CEP70: variants seen among roughly 807,000 people sequenced by gnomAD.
The protein encoded by CEP70 is centrosomal protein of 70 kDa.
In CEP70, 70 loss-of-function variants were observed where a neutral mutation model predicts 90.9. That is an observed-to-expected ratio of 0.77 (90% CI 0.64 to 0.94). The LOEUF is 0.94. CEP70 is among the 40% of genes least tolerant of loss of function. The pLI is 0.00. For missense variants in CEP70, 648 were observed against 669.0 expected, an observed-to-expected ratio of 0.97 and a Z score of 0.35; for synonymous variants, 220 against 228.3, an observed-to-expected ratio of 0.96 and a Z score of 0.33.
chr3:138,563,047 G>A lies in CEP70; in HGVS notation c.465+7271C>T, dbSNP rs556038811. On this transcript the variant is annotated intron_variant, in intron 6 of 17. Transcript: ENST00000264982. ...TGGAAAGCAAAAAAAAAAAGCAGGGGTTGCAATCCTAGTCTCTGATAAAAC... is the reference window on the plus strand; with the variant it reads ...TGGAAAGCAAAAAAAAAAAGCAGGGATTGCAATCCTAGTCTCTGATAAAAC... Among the ~76,000 whole-genome samples the A allele has an allele frequency of 3.4e-4, 52 of 152,150 alleles. No homozygotes were observed. In the South Asian group the frequency reaches 6.9e-3, roughly 20 times the overall value.
rs1256930326 is a variant in CEP70 at position 138,537,146 on chromosome 3, T to C, written c.635+32A>G. 2.8e-6 allele frequency: 4 copies of C among 1,429,842 alleles called. 1 individual carries two copies. Among genetic ancestry groups the C allele is most frequent in the Non-Finnish European group, 2.8e-6 (3 of 1,078,866 alleles). 88.6% of individuals were successfully genotyped at this position (1,429,842 alleles called of 1,614,324 possible). On this transcript the variant is annotated intron_variant, in intron 7 of 17. Coordinates refer to ENST00000264982, the MANE Select transcript of CEP70 (RefSeq NM_024491.4). ...AAACAAACAAACACAACAATGAATC[T>C]AGCTACATATCAATTTATGTAGCAA...
In CEP70 at chr3:138,548,388, C is replaced by T. The variant is rs148794178; in HGVS notation, c.466-11041G>A. On this transcript the variant is annotated intron_variant, in intron 6 of 17. Coordinates refer to ENST00000264982, the MANE Select transcript of CEP70 (RefSeq NM_024491.4). Reference sequence around the variant, plus strand: ...CTAAGATCATGGTATGTGCACAGCACCTTCCTCCAAAGAGGATTTTGATTT... The same window carrying T: ...CTAAGATCATGGTATGTGCACAGCATCTTCCTCCAAAGAGGATTTTGATTT... 5.6e-3 allele frequency among the ~76,000 whole-genome samples: 858 copies of T among 152,274 alleles called. 6 individuals are homozygous for T. Among genetic ancestry groups the T allele is most frequent in the African/African-American group, 0.02 (826 of 41,544 alleles).
chr3:138,505,202 CTATT>C (rs2034867553), intron 13 of CEP70, 89 bp downstream of exon 13: 1 of 1,008,566 alleles, frequency 9.9e-7, no homozygotes, highest in South Asian at 2.7e-5. Context: ...AAATTAAACC[CTATT>C]TAATTTTTAG....
chr3:138,505,205 T>C (rs2034867885), intron 13 of CEP70, 90 bp downstream of exon 13: 1 of 1,064,470 alleles, frequency 9.4e-7, no homozygotes, highest in East Asian at 2.7e-5. Flanking sequence ...TTAAACCCTA[T>C]TTAATTTTTA....
rs927769548 is a variant in CEP70 at position 138,525,495 on chromosome 3, G to A, written c.939C>T (p.Asn313=). 2.5e-5 allele frequency: 35 copies of A among 1,384,458 alleles called. No homozygotes were observed. The highest frequency in any genetic ancestry group is 1.0e-4 in the African/African-American group (7 of 67,344). The allele number at this position is 1,384,458 out of a possible 1,614,324, so 85.8% of individuals were successfully genotyped here. Residue 313 remains asparagine (N), a synonymous_variant, in exon 11 of 18, where the codon AAC becomes AAT. Coordinates refer to ENST00000264982, the MANE Select transcript of CEP70 (RefSeq NM_024491.4). ...TTTGGTAAAAATATAATTACTTGAC[G>A]TTTTTCTTAAGGGCTTTTTCCAGCT... ...VKKLEKALKK[N]VKLQELINHK...
At chr3:138,591,365 AT>A (rs34136846) in intron 2 of CEP70, among the ~76,000 whole-genome samples, 72 of 150,110 alleles carry the variant, frequency 4.8e-4, no homozygotes, top group South Asian at 2.3e-3. Flanking sequence ...AAATATTCCA[AT>A]TTTTTTTTTA....
At chr3:138,509,098 A>G (rs1304428485) in intron 11 of CEP70, among the ~76,000 whole-genome samples, 1 of 152,136 alleles carries the variant, frequency 6.6e-6, no homozygotes, top group African/African-American at 2.4e-5. Flanking sequence ...ATAAATCGCA[A>G]ATTAGAAGGA....
intron 13 of CEP70, among the ~76,000 whole-genome samples, chr3:138,504,582 G>A (rs190966613): frequency 1.3e-4 from 20 of 152,236 alleles, no homozygotes; most frequent in Admixed American, 1.2e-3. Context: ...CATATGCTAT[G>A]TATTATATTA....
chr3:138,551,421 A>G lies in CEP70; in HGVS notation c.466-14074T>C, dbSNP rs1296285595. Among the ~76,000 whole-genome samples the G allele has an allele frequency of 4.6e-5, 7 of 152,146 alleles. No individual in the cohort carries two copies. The East Asian group carries it at 7.7e-4, about 17-fold the overall frequency. On this transcript the variant is annotated intron_variant, in intron 6 of 17. Coordinates refer to ENST00000264982, the MANE Select transcript of CEP70 (RefSeq NM_024491.4). The stretch of plus-strand genomic sequence containing the variant: ...AAAACAGAACCTTTTCAAAGCATAA[A>G]TGTCACAGGACCTATAAAACAAAAA...
chr3:138,564,811 A>T (rs918044107), intron 6 of CEP70, among the ~76,000 whole-genome samples: 1 of 152,028 alleles, frequency 6.6e-6, no homozygotes, highest in Non-Finnish European at 1.5e-5. Context: ...CTCTCTCACC[A>T]CTCCTATTCA....
chr3:138,570,344 G>T lies in CEP70; in HGVS notation c.439C>A (p.Leu147Ile). The change falls in exon 6 of 18, where the codon CTT becomes ATT. Residue 147 changes from leucine to isoleucine, a missense_variant. Transcript: ENST00000264982. Reference sequence around the variant, plus strand: ...TGTAAAGTTTTCTGCTCCTTTTGAAGATCTTTTATTTTATTCTGTTGGTGG... The same window carrying T: ...TGTAAAGTTTTCTGCTCCTTTTGAATATCTTTTATTTTATTCTGTTGGTGG... ...ACHQQNKIKD[L>I]QKEQKTLQVK... 2 of 1,585,054 alleles carry T rather than the reference G, an allele frequency of 1.3e-6. No individual in the cohort carries two copies. The highest frequency in any genetic ancestry group is 1.7e-6 in the Non-Finnish European group (2 of 1,170,916).
At position 138,588,325 on chromosome 3, in the gene CEP70, A is replaced by G. The variant is rs937351403; in HGVS notation, c.-6+3529T>C. Among the ~76,000 whole-genome samples the G allele has an allele frequency of 2.0e-5, 3 of 152,248 alleles. 1 individual carries two copies. On this transcript the variant is annotated intron_variant, in intron 2 of 17. Transcript: ENST00000264982. ...AACCACATACTCAGAGAAAATAGTC[A>G]GGAATCAGAAAAGGTTCATATCCAG...
rs942267934 is a variant in CEP70, at chr3:138,526,494, GT to G, written c.870-931del. Reference sequence around the variant, plus strand: ...TAAGCTTATTGAGAACAGGAAATTTGTTTTGGTCCCTTGTTCACCCCAGAGT... The same window carrying G: ...TAAGCTTATTGAGAACAGGAAATTTGTTTGGTCCCTTGTTCACCCCAGAGT... On this transcript the variant is annotated intron_variant, in intron 10 of 17. Coordinates refer to ENST00000264982, the MANE Select transcript of CEP70 (RefSeq NM_024491.4). 3.7e-4 allele frequency among the ~76,000 whole-genome samples: 57 copies of G among 152,180 alleles called. 2 individuals carry two copies. Among genetic ancestry groups the G allele is most frequent in the Admixed American group, 3.7e-3 (56 of 15,280 alleles).
chr3:138,524,005 T>C (rs568750916), intron 11 of CEP70, among the ~76,000 whole-genome samples: 12 of 127,436 alleles, frequency 9.4e-5, no homozygotes, highest in African/African-American at 3.9e-4. Context: ...CAAAACAGCA[T>C]GGTACTGGTA....
intron 6 of CEP70, among the ~76,000 whole-genome samples, chr3:138,542,737 A>G (rs796236315): frequency 5.3e-5 from 8 of 152,320 alleles, no homozygotes; most frequent in African/African-American, 1.9e-4. Flanking sequence ...TCGGCCAGGA[A>G]CGTGTTACAG....
chr3:138,497,141 C>A, intron 17 of CEP70: 1 of 1,093,626 alleles, frequency 9.1e-7, no homozygotes, highest in Non-Finnish European at 1.1e-6. Flanking sequence ...CTAAAGCAAG[C>A]TCACTCATTG....
chr3:138,532,517 T>C lies in CEP70; in HGVS notation c.689A>G (p.Gln230Arg), dbSNP rs2037915085. 6.6e-7 allele frequency: 1 copy of C among 1,506,936 alleles called. No individual in the cohort carries two copies. The highest frequency in any genetic ancestry group is 1.4e-5 in the African/African-American group (1 of 69,472). The allele number at this position is 1,506,936 out of a possible 1,614,324, so 93.3% of individuals were successfully genotyped here. ...TGTAATACAGGATTACTCGTACCTT[T>C]GTGTATGAATTTTTCTAATTTTAGA... Reference protein sequence around the residue: ...YESKIRKIHTQRQYKEDESQS... With the variant: ...YESKIRKIHTRRQYKEDESQS... Residue 230 changes from glutamine to arginine, a missense_variant, in exon 8 of 18, where the codon CAA (glutamine) becomes CGA (arginine). By Grantham distance (43) the Gln-to-Arg change is conservative. Transcript: ENST00000264982.
At chr3:138,535,442 A>G (rs770002618) in intron 7 of CEP70, among the ~76,000 whole-genome samples, 2 of 152,190 alleles carry the variant, frequency 1.3e-5, no homozygotes, top group Non-Finnish European at 2.9e-5. Context: ...ATATATGTCT[A>G]TCTACCCAAC....
At chr3:138,588,819 T>A (rs571087455) in intron 2 of CEP70, among the ~76,000 whole-genome samples, 2 of 152,292 alleles carry the variant, frequency 1.3e-5, no homozygotes, top group East Asian at 3.9e-4. Context: ...AGCCAGAAAC[T>A]GGAAACAACT....
Sources: allele counts gnomAD v4.1 joint callset (sites outside exome capture counted in the v4.1 genomes callset), GRCh38; gene constraint gnomAD v4.1.1; transcripts MANE v1.5; gene names NCBI Gene and HGNC (gene_info 2026-07-23, HGNC 2026-07-21).